Variants in LRRC4C observed in about 807,000 individuals in gnomAD.
LRRC4C encodes leucine-rich repeat-containing protein 4C.
Under a neutral mutation model 33.6 loss-of-function variants are expected in LRRC4C, and 5 were observed. The ratio of observed to expected loss-of-function variants is 0.15; its 90% confidence interval spans 0.08 to 0.31. The LOEUF is 0.31. LRRC4C is among the 10% of genes least tolerant of loss of function. The probability of loss-of-function intolerance (pLI) is 1.00; values close to 1 mark genes in which losing one functional copy is unlikely to be tolerated. For missense variants in LRRC4C, 560 were observed against 796.7 expected (o/e 0.70, Z 3.58); for synonymous variants, 329 against 302.0 (o/e 1.09, Z -0.93).
At chr11:40,310,411 T>C (rs1945245731) in intron 4 of LRRC4C, among the ~76,000 whole-genome samples, 1 of 152,168 alleles carries the variant, frequency 6.6e-6, no homozygotes, top group African/African-American at 2.4e-5. Context: ...GGTAGCAGTC[T>C]ATCTTATTCA....
intron 3 of LRRC4C, among the ~76,000 whole-genome samples, chr11:40,412,146 A>G (rs147995201): frequency 0.012 from 1,761 of 152,192 alleles, 32 homozygotes; most frequent in African/African-American, 0.04. Flanking sequence ...GCCTCACAAA[A>G]GAAACTTTTA....
At chr11:41,110,845 T>G (rs1365355834) in intron 1 of LRRC4C, among the ~76,000 whole-genome samples, 3 of 152,060 alleles carry the variant, frequency 2.0e-5, no homozygotes, top group Non-Finnish European at 2.9e-5. Flanking sequence ...TTTTAAAGTA[T>G]TTATTTGTTC....
chr11:41,272,272 G>A (rs956301421), intron 1 of LRRC4C, among the ~76,000 whole-genome samples: 2 of 152,076 alleles, frequency 1.3e-5, no homozygotes, highest in Non-Finnish European at 2.9e-5. Flanking sequence ...GATGCAGAAG[G>A]ATCCAGCCAG....
intron 5 of LRRC4C, among the ~76,000 whole-genome samples, chr11:40,236,393 G>A (rs1865560107): frequency 6.6e-6 from 1 of 152,132 alleles, no homozygotes; most frequent in Admixed American, 6.6e-5. Context: ...TCCCATGGAA[G>A]CAAATAACTT....
At chr11:40,735,218 G>T (rs1052288058) in intron 2 of LRRC4C, among the ~76,000 whole-genome samples, 2 of 151,868 alleles carry the variant, frequency 1.3e-5, no homozygotes, top group Non-Finnish European at 2.9e-5. Flanking sequence ...TGTGCAGGTT[G>T]GTTACATATG....
At chr11:41,225,799 A>T (rs1281366268) in intron 1 of LRRC4C, among the ~76,000 whole-genome samples, 1 of 152,138 alleles carries the variant, frequency 6.6e-6, no homozygotes, top group Non-Finnish European at 1.5e-5. Flanking sequence ...TAAGCCTATG[A>T]CATGCCAGCC....
At chr11:40,129,148 G>A (rs1363223334) in intron 6 of LRRC4C, among the ~76,000 whole-genome samples, 2 of 152,130 alleles carry the variant, frequency 1.3e-5, no homozygotes, top group Non-Finnish European at 2.9e-5. Context: ...AACTCATTAA[G>A]TCAAGGCTGT....
chr11:41,189,850 A>G (rs928973276), intron 1 of LRRC4C, among the ~76,000 whole-genome samples: 2 of 152,172 alleles, frequency 1.3e-5, no homozygotes, highest in Non-Finnish European at 1.5e-5. Context: ...GCTAGCTCCC[A>G]TTGCACTGGT....
At chr11:40,693,502 G>C (rs542702223) in intron 2 of LRRC4C, among the ~76,000 whole-genome samples, 1 of 151,906 alleles carries the variant, frequency 6.6e-6, no homozygotes, top group Admixed American at 6.6e-5. Context: ...GCTCTGCAGG[G>C]GGTAGGTAAT....
At chr11:40,967,806 AT>A (rs1341342604) in intron 1 of LRRC4C, among the ~76,000 whole-genome samples, 1 of 151,486 alleles carries the variant, frequency 6.6e-6, no homozygotes, top group African/African-American at 2.4e-5. Context: ...ATTATTCAAT[AT>A]TTTTGATATT....
At chr11:40,841,442 T>C (rs1454676731) in intron 2 of LRRC4C, among the ~76,000 whole-genome samples, 3 of 152,180 alleles carry the variant, frequency 2.0e-5, no homozygotes, top group Non-Finnish European at 4.4e-5. Flanking sequence ...AAGGAAGTAA[T>C]TCAGGTCACA....
chr11:40,450,662 A>C (rs1951841651), intron 3 of LRRC4C, among the ~76,000 whole-genome samples: 1 of 152,012 alleles, frequency 6.6e-6, no homozygotes, highest in Non-Finnish European at 1.5e-5. Flanking sequence ...ACAATTAGAA[A>C]TATTATAGTT....
chr11:40,637,683 C>T (rs1941833998), intron 3 of LRRC4C, among the ~76,000 whole-genome samples: 1 of 152,174 alleles, frequency 6.6e-6, no homozygotes, highest in African/African-American at 2.4e-5. Flanking sequence ...ATTAAATCTA[C>T]TCAAAATATA....
chr11:40,382,655 T>A (rs1334995410), intron 3 of LRRC4C, among the ~76,000 whole-genome samples: 2 of 150,946 alleles, frequency 1.3e-5, no homozygotes, highest in Non-Finnish European at 2.9e-5. Flanking sequence ...TCTCTGGGAC[T>A]TCATTTTGCA....
At chr11:41,422,780 GA>G (rs1954914115) in intron 1 of LRRC4C, among the ~76,000 whole-genome samples, 1 of 112,632 alleles carries the variant, frequency 8.9e-6, no homozygotes, top group Non-Finnish European at 2.0e-5. Context: ...TTCTCAAGTA[GA>G]TTTTTTTTCT....
chr11:40,753,892 A>G (rs1948814512), intron 2 of LRRC4C, among the ~76,000 whole-genome samples: 1 of 151,944 alleles, frequency 6.6e-6, no homozygotes, highest in Admixed American at 6.6e-5. Flanking sequence ...ATATCATCTT[A>G]CCTGAGTTAG....
intron 2 of LRRC4C, among the ~76,000 whole-genome samples, chr11:40,724,169 A>C (rs1947171479): frequency 6.6e-6 from 1 of 152,210 alleles, no homozygotes; most frequent in African/African-American, 2.4e-5. Context: ...GATGTACTTC[A>C]AAACCCCACT....
chr11:40,907,367 T>C (rs1956468941), intron 2 of LRRC4C, among the ~76,000 whole-genome samples: 1 of 152,164 alleles, frequency 6.6e-6, no homozygotes, highest in African/African-American at 2.4e-5. Context: ...CATTTTTCCT[T>C]TAAGAAACTC....
chr11:40,184,298 T>C (rs1458666611), intron 5 of LRRC4C, among the ~76,000 whole-genome samples: 1 of 152,148 alleles, frequency 6.6e-6, no homozygotes, highest in Non-Finnish European at 1.5e-5. Flanking sequence ...AGGGGATCTT[T>C]AGGAAGAATA....
Sources: gnomAD v4.1 joint callset for allele counts (sites outside exome capture counted in the v4.1 genomes callset) on GRCh38, gnomAD v4.1.1 for gene constraint, MANE v1.5 for transcripts, NCBI Gene and HGNC (gene_info 2026-07-23, HGNC 2026-07-21) for gene names.